The following KCTD1 variants were observed in gnomAD, a reference collection of about 807,000 sequenced individuals.
KCTD1 encodes the protein BTB/POZ domain-containing protein KCTD1.
In KCTD1, 24 loss-of-function variants were observed where a neutral mutation model predicts 66.0. The ratio of observed to expected loss-of-function variants is 0.36; its 90% confidence interval spans 0.26 to 0.51. KCTD1 has a LOEUF of 0.51. Ranked by LOEUF, KCTD1 falls within the 20% of genes least tolerant of loss-of-function variation. The probability of loss-of-function intolerance (pLI) is 0.95; values close to 1 mark genes in which losing one functional copy is unlikely to be tolerated. For missense variants in KCTD1, 943 were observed against 1,205.2 expected (o/e 0.78, Z 3.22); for synonymous variants, 511 against 517.2 (o/e 0.99, Z 0.16).
chr18:26,575,542 C>A (rs1567998405), intron 1 of KCTD1: 1 of 152,204 alleles, frequency 6.6e-6, no homozygotes, highest in Non-Finnish European at 1.5e-5. Flanking sequence ...ACAGCCAGGT[C>A]AGAAATGGTG....
chr18:26,599,320 G>C, intron 1 of KCTD1: 1 of 1,166,908 alleles, frequency 8.6e-7, no homozygotes, highest in Non-Finnish European at 1.2e-6. Context: ...AATTGACTGG[G>C]GGAGAAGCCG....
intron 3 of KCTD1, among the ~76,000 whole-genome samples, chr18:26,472,260 ATATTG>A (rs1209808585): frequency 6.6e-6 from 1 of 152,180 alleles, no homozygotes; most frequent in African/African-American, 2.4e-5. Context: ...GGTGATTTTC[ATATTG>A]TACTAACCAA....
chr18:26,578,801 T>C (rs1174837883), intron 1 of KCTD1, among the ~76,000 whole-genome samples: 1 of 152,232 alleles, frequency 6.6e-6, no homozygotes, highest in Non-Finnish European at 1.5e-5. Context: ...TTACAGTGGA[T>C]GCCTTACCCC....
At chr18:26,577,737 T>C (rs190642690) in intron 1 of KCTD1, among the ~76,000 whole-genome samples, 2 of 151,924 alleles carry the variant, frequency 1.3e-5, no homozygotes, top group Admixed American at 1.3e-4. Context: ...TTTTTTTTGT[T>C]TGTTTTTTTG....
Position 26,498,600 on chromosome 18 carries a change from C to G in KCTD1, c.1988+2472G>C, listed in dbSNP as rs1234272334. Among the ~76,000 whole-genome samples, 68 of 151,524 alleles carry G rather than the reference C, an allele frequency of 4.5e-4. 2 individuals carry two copies. Among genetic ancestry groups the G allele is most frequent in the Admixed American group, 4.4e-3 (67 of 15,184 alleles). On this transcript the variant is annotated intron_variant, in intron 2 of 4. Coordinates refer to ENST00000580059, the MANE Select transcript of KCTD1 (RefSeq NM_001142730.3). Reference sequence around the variant, plus strand: ...TTACTGAGTTTACATTTTTTTGGTACTAGGTCTTTAAAAATCAGTGTATAT... The same window carrying G: ...TTACTGAGTTTACATTTTTTTGGTAGTAGGTCTTTAAAAATCAGTGTATAT...
At chr18:26,499,653 C>G (rs1278701923) in intron 2 of KCTD1, among the ~76,000 whole-genome samples, 1 of 152,170 alleles carries the variant, frequency 6.6e-6, no homozygotes, top group Admixed American at 6.5e-5. Context: ...AAAAAGTCGG[C>G]CTTCATGTAG....
intron 1 of KCTD1, among the ~76,000 whole-genome samples, chr18:26,504,148 C>T (rs930611045): frequency 6.6e-6 from 1 of 152,062 alleles, no homozygotes; most frequent in Non-Finnish European, 1.5e-5. Flanking sequence ...CTGCTCACTG[C>T]AGCCTCAAAC....
chr18:26,549,439 G>A (rs1985452861), upstream of KCTD1: 2 of 985,742 alleles, frequency 2.0e-6, no homozygotes, highest in South Asian at 4.7e-5. Flanking sequence ...GGTCCAGCCA[G>A]CCCCGGGAAG....
At chr18:26,563,440 C>CA (rs1387704382) in intron 1 of KCTD1, among the ~76,000 whole-genome samples, 2 of 152,214 alleles carry the variant, frequency 1.3e-5, no homozygotes, top group African/African-American at 4.8e-5. Context: ...TCCTTGAAAA[C>CA]ACTTGTCTCT....
chr18:26,543,195 C>G (rs1172529564), intron 1 of KCTD1: 1 of 152,152 alleles, frequency 6.6e-6, no homozygotes, highest in African/African-American at 2.4e-5. Flanking sequence ...TAAAGGAGAG[C>G]AAACATTCTT....
At chr18:26,572,950 T>C (rs895627148) in intron 1 of KCTD1, among the ~76,000 whole-genome samples, 2 of 152,116 alleles carry the variant, frequency 1.3e-5, no homozygotes, top group African/African-American at 2.4e-5. Context: ...AAGTTAATAG[T>C]TGAGTTTCTG....
chr18:26,507,789 A>G (rs1983121700), intron 1 of KCTD1, among the ~76,000 whole-genome samples: 1 of 152,032 alleles, frequency 6.6e-6, no homozygotes, highest in East Asian at 1.9e-4. Context: ...CACGTACTGT[A>G]TGATTGTATT....
chr18:26,463,265 G>T (rs1980536798), intron 3 of KCTD1, among the ~76,000 whole-genome samples: 2 of 152,124 alleles, frequency 1.3e-5, no homozygotes, highest in South Asian at 4.1e-4. Flanking sequence ...AGACCAGCCT[G>T]GGCAACGTAG....
Position 26,599,322 on chromosome 18 carries a change from G to A in KCTD1, c.-16+29825C>T, listed in dbSNP as rs1372285653. The A allele has an allele frequency of 2.0e-5, 24 of 1,199,438 alleles. No homozygotes were observed. The South Asian group carries it at 3.0e-4, about 15-fold the overall frequency. 74.3% of individuals were successfully genotyped at this position (1,199,438 alleles called of 1,614,324 possible). ...CTTTTAGAAATTCAATTGACTGGGG[G>A]AGAAGCCGGGAGCGAGCCCAGGTGG... On this transcript the variant is annotated intron_variant, in intron 1 of 4. Transcript: ENST00000317932.
intron 1 of KCTD1, among the ~76,000 whole-genome samples, chr18:26,557,077 A>C (rs1239112408): frequency 6.6e-6 from 1 of 152,174 alleles, no homozygotes; most frequent in Non-Finnish European, 1.5e-5. Context: ...ATTTTCAATA[A>C]GCCCAAAATG....
chr18:26,585,460 G>A (rs975795279), intron 1 of KCTD1, among the ~76,000 whole-genome samples: 1 of 152,022 alleles, frequency 6.6e-6, no homozygotes, highest in Admixed American at 6.6e-5. Context: ...TAACATGCAG[G>A]GGCCTCTGTT....
intron 1 of KCTD1, among the ~76,000 whole-genome samples, chr18:26,531,500 A>G (rs1984432259): frequency 6.6e-6 from 1 of 152,232 alleles, no homozygotes; most frequent in Non-Finnish European, 1.5e-5. Context: ...AAATGACAAC[A>G]TTGTAAGGTA....
chr18:26,577,865 T>C (rs1047227135), intron 1 of KCTD1, among the ~76,000 whole-genome samples: 2 of 152,038 alleles, frequency 1.3e-5, no homozygotes, highest in Non-Finnish European at 1.5e-5. Flanking sequence ...TGAACCAGCA[T>C]GTGTGGCTGA....
chr18:26,478,567 T>C (rs548661252), intron 2 of KCTD1, among the ~76,000 whole-genome samples: 234 of 152,326 alleles, frequency 1.5e-3, no homozygotes, highest in Middle Eastern at 3.4e-3. Flanking sequence ...CTTTTAAAAA[T>C]CCTGTTTTTT....
Sources: allele counts gnomAD v4.1 joint callset (sites outside exome capture counted in the v4.1 genomes callset), GRCh38; gene constraint gnomAD v4.1.1; transcripts MANE v1.5; gene names NCBI Gene and HGNC (gene_info 2026-07-23, HGNC 2026-07-21).